GRXCR1: variants seen among roughly 807,000 people sequenced by gnomAD.
GRXCR1 encodes the protein glutaredoxin and cysteine rich domain containing 1.
In GRXCR1, 27 loss-of-function variants were observed where a neutral mutation model predicts 27.3. The observed-to-expected ratio is 0.99, with a 90% confidence interval of 0.73 to 1.37. The LOEUF (loss-of-function observed/expected upper bound fraction) is 1.37. Among genes scored for constraint, GRXCR1 ranks in the 40% most tolerant of loss-of-function variants. The pLI is 0.00. For missense variants in GRXCR1, 379 were observed against 354.4 expected, an observed-to-expected ratio of 1.07 and a Z score of -0.56; for synonymous variants, 122 against 131.1, an observed-to-expected ratio of 0.93 and a Z score of 0.47.
intron 2 of GRXCR1, among the ~76,000 whole-genome samples, chr4:42,988,287 C>T (rs1711844905): frequency 6.6e-6 from 1 of 152,152 alleles, no homozygotes; most frequent in Non-Finnish European, 1.5e-5. Flanking sequence ...AATCAATTTT[C>T]TTCTGTCACC....
intron 2 of GRXCR1, among the ~76,000 whole-genome samples, chr4:42,991,431 T>A (rs1711970861): frequency 6.6e-6 from 1 of 151,260 alleles, no homozygotes; most frequent in Admixed American, 6.6e-5. Flanking sequence ...TATACATATA[T>A]ATCTATATAT....
chr4:42,996,997 C>T (rs1344217769), intron 2 of GRXCR1, among the ~76,000 whole-genome samples: 1 of 152,062 alleles, frequency 6.6e-6, no homozygotes, highest in African/African-American at 2.4e-5. Flanking sequence ...TGTTCCTTTT[C>T]CTTAATTCCC....
intron 2 of GRXCR1, among the ~76,000 whole-genome samples, chr4:43,015,725 TAGTA>T: frequency 6.6e-6 from 1 of 151,788 alleles, no homozygotes; most frequent in East Asian, 1.9e-4. Context: ...GCTACTTTCT[TAGTA>T]AGATGAGGTG....
intron 1 of GRXCR1, among the ~76,000 whole-genome samples, chr4:42,901,797 A>C (rs892257786): frequency 2.0e-5 from 3 of 152,092 alleles, no homozygotes; most frequent in African/African-American, 7.2e-5. Flanking sequence ...ACATTGGCAT[A>C]CTTTTGCCAT....
At chr4:42,990,808 A>G (rs1243777785) in intron 2 of GRXCR1, among the ~76,000 whole-genome samples, 3 of 152,142 alleles carry the variant, frequency 2.0e-5, no homozygotes, top group African/African-American at 4.8e-5. Flanking sequence ...CTCTTTGGAA[A>G]GAATATGTAG....
At chr4:42,973,290 T>C (rs1248218097) in intron 2 of GRXCR1, among the ~76,000 whole-genome samples, 1 of 152,172 alleles carries the variant, frequency 6.6e-6, no homozygotes, top group African/African-American at 2.4e-5. Context: ...GTCAGCGTTA[T>C]CTAGGCCCAT....
At chr4:43,013,798 T>A (rs955912647) in intron 2 of GRXCR1, among the ~76,000 whole-genome samples, 3 of 152,216 alleles carry the variant, frequency 2.0e-5, no homozygotes, top group African/African-American at 7.2e-5. Flanking sequence ...GACTTGATAT[T>A]ACTTTTATAT....
chr4:42,900,503 G>A (rs1746437895), intron 1 of GRXCR1, among the ~76,000 whole-genome samples: 1 of 151,926 alleles, frequency 6.6e-6, no homozygotes, highest in African/African-American at 2.4e-5. Flanking sequence ...ATAATTAGTT[G>A]CTTCTTTTTT....
intron 2 of GRXCR1, among the ~76,000 whole-genome samples, chr4:43,005,334 A>G (rs1712520894): frequency 6.6e-6 from 1 of 152,194 alleles, no homozygotes; most frequent in African/African-American, 2.4e-5. Context: ...GCAGTTTGGG[A>G]ACAGACTAAT....
At chr4:42,894,114 T>C (rs918500981) in intron 1 of GRXCR1, among the ~76,000 whole-genome samples, 5 of 152,118 alleles carry the variant, frequency 3.3e-5, no homozygotes, top group African/African-American at 1.2e-4. Context: ...TGTGCAGCAA[T>C]AAAGACTAAC....
intron 1 of GRXCR1, among the ~76,000 whole-genome samples, chr4:42,895,986 T>A (rs1412019990): frequency 6.6e-6 from 1 of 152,092 alleles, no homozygotes; most frequent in Non-Finnish European, 1.5e-5. Context: ...TCTTGGATAT[T>A]TGATTAAGGT....
intron 1 of GRXCR1, among the ~76,000 whole-genome samples, chr4:42,908,528 G>A (rs887499148): frequency 1.3e-5 from 2 of 152,162 alleles, no homozygotes; most frequent in Non-Finnish European, 2.9e-5. Flanking sequence ...TGTGCAGTAA[G>A]CTTCATATTT....
chr4:42,986,605 T>C (rs1316246238), intron 2 of GRXCR1, among the ~76,000 whole-genome samples: 1 of 152,228 alleles, frequency 6.6e-6, no homozygotes, highest in Middle Eastern at 3.2e-3. Context: ...TGCCGATCTA[T>C]ACTTTTTACT....
intron 2 of GRXCR1, among the ~76,000 whole-genome samples, chr4:42,979,041 TC>T (rs1560672832): frequency 1.3e-5 from 2 of 152,078 alleles, no homozygotes; most frequent in East Asian, 3.9e-4. Flanking sequence ...TCCTGAGGCC[TC>T]CCTAGCCATA....
intron 2 of GRXCR1, among the ~76,000 whole-genome samples, chr4:42,974,574 T>C (rs1748465016): frequency 6.6e-6 from 1 of 152,054 alleles, no homozygotes; most frequent in South Asian, 2.1e-4. Context: ...CCAACTTCTT[T>C]CCTGATTAAT....
intron 2 of GRXCR1, among the ~76,000 whole-genome samples, chr4:42,966,384 T>C (rs891340857): frequency 3.3e-5 from 5 of 152,066 alleles, no homozygotes; most frequent in Admixed American, 2.0e-4. Flanking sequence ...AGAAGGGCTA[T>C]TGATAAAAAT....
intron 1 of GRXCR1, among the ~76,000 whole-genome samples, chr4:42,904,752 T>C (rs1333837749): frequency 4.6e-5 from 7 of 152,130 alleles, no homozygotes; most frequent in African/African-American, 1.7e-4. Context: ...TACTACTAAG[T>C]ATTCTGCTAG....
chr4:42,900,739 G>A (rs1418514690), intron 1 of GRXCR1, among the ~76,000 whole-genome samples: 4 of 152,106 alleles, frequency 2.6e-5, no homozygotes, highest in Non-Finnish European at 5.9e-5. Flanking sequence ...ACTAACGAGG[G>A]TCATCTTAGT....
Position 42,911,785 on chromosome 4 carries a change from T to G in GRXCR1, c.384+18135T>G, listed in dbSNP as rs112803429. On this transcript the variant is annotated intron_variant, in intron 1 of 3. Transcript: ENST00000399770. ...TAATTCATGTGGTTAGTGTGAGGAT[T>G]AAATTCATTAACACATGTATATAGA... 6.2e-3 allele frequency among the ~76,000 whole-genome samples: 937 copies of G among 152,258 alleles called. 11 individuals carry two copies. Among genetic ancestry groups the G allele is most frequent in the African/African-American group, 0.021 (888 of 41,564 alleles).
Sources: gnomAD v4.1 joint callset for allele counts (sites outside exome capture counted in the v4.1 genomes callset) on GRCh38, gnomAD v4.1.1 for gene constraint, MANE v1.5 for transcripts, NCBI Gene and HGNC (gene_info 2026-07-23, HGNC 2026-07-21) for gene names.